SHLD1: variants seen among roughly 807,000 people sequenced by gnomAD.
SHLD1 encodes RINN1-REV7-interacting novel NHEJ regulator 3.
SHLD1 carries 3 observed loss-of-function variants against 5.5 expected under a neutral mutation model. The observed-to-expected ratio is 0.54, with a 90% CI of 0.25 to 1.40. The LOEUF (loss-of-function observed/expected upper bound fraction) is 1.40, where lower values mean the gene tolerates loss of function less well. Among genes scored for constraint, SHLD1 ranks in the 40% most tolerant of loss-of-function variants. SHLD1 has a pLI of 0.15. For synonymous variants in SHLD1, 92 were observed against 94.3 expected, an observed-to-expected ratio of 0.98 and a Z score of 0.14; for missense variants, 210 against 244.4, an observed-to-expected ratio of 0.86 and a Z score of 0.94.
intron 2 of SHLD1, among the ~76,000 whole-genome samples, chr20:5,791,036 A>G (rs1238984785): frequency 6.6e-6 from 1 of 151,894 alleles, no homozygotes; most frequent in Non-Finnish European, 1.5e-5. Context: ...GGTGGCACGC[A>G]CTTTTAGTCC....
chr20:5,844,787 A>ATTTTT (rs1428765852), intron 2 of SHLD1, among the ~76,000 whole-genome samples: 3 of 102,256 alleles, frequency 2.9e-5, no homozygotes, highest in East Asian at 3.5e-4. Context: ...ATATATATAT[A>ATTTTT]TATATATATA....
At position 5,806,108 on chromosome 20, in the gene SHLD1, T is replaced by A. The variant is rs796535271; in HGVS notation, c.178+33065T>A. ...TAGAACTCCTGGGTTCAAGTGATTC[T>A]CCTGCGTCAGCCTCCCAAAATGTTG... On this transcript the variant is annotated intron_variant, in intron 2 of 2. Transcript: ENST00000303142. The surrounding 1 kb of genome is among the most constrained non-coding windows in gnomAD (Gnocchi z 7.6). Among the ~76,000 whole-genome samples the A allele has an allele frequency of 1.5e-4, 23 of 152,348 alleles. No homozygotes were observed. Among genetic ancestry groups the A allele is most frequent in the African/African-American group, 5.5e-4 (23 of 41,600 alleles).
chr20:5,824,155 G>A lies in SHLD1; in HGVS notation c.179-38869G>A, dbSNP rs1287068. ...CTGCTTCTCCCACCTCTTCCCAGCC[G>A]CACTGGCCTTCTTTCTGGTCTTCAC... is the stretch of plus-strand genomic sequence containing the variant. On this transcript the variant is annotated intron_variant, in intron 2 of 2. Transcript: ENST00000303142. 3.4e-3 allele frequency among the ~76,000 whole-genome samples: 520 copies of A among 152,196 alleles called. 3 individuals are homozygous for A. The highest frequency in any genetic ancestry group is 0.014 in the Middle Eastern group (4 of 294).
intron 2 of SHLD1, among the ~76,000 whole-genome samples, chr20:5,827,854 G>GT (rs1382474853): frequency 6.6e-6 from 1 of 151,666 alleles, no homozygotes; most frequent in Non-Finnish European, 1.5e-5. Flanking sequence ...GGTCTTGCCA[G>GT]TTATTTGTGG....
intron 1 of SHLD1, among the ~76,000 whole-genome samples, chr20:5,763,077 C>T (rs1321714708): frequency 6.6e-6 from 1 of 151,740 alleles, no homozygotes; most frequent in African/African-American, 2.4e-5. Flanking sequence ...GAGGCCGAGG[C>T]AGGCGGATCA....
intron 2 of SHLD1, among the ~76,000 whole-genome samples, chr20:5,783,855 C>T (rs74329456): frequency 0.016 from 2,388 of 151,998 alleles, 71 homozygotes; most frequent in African/African-American, 0.055. Flanking sequence ...AGGAGGAGTT[C>T]GAAAACCACT....
intron 2 of SHLD1, among the ~76,000 whole-genome samples, chr20:5,791,741 GACAAA>G (rs987229762): frequency 1.3e-5 from 2 of 151,916 alleles, no homozygotes; most frequent in Non-Finnish European, 2.9e-5. Context: ...TCCCATACCT[GACAAA>G]GAACTAGTTT....
At chr20:5,758,446 T>G in intron 1 of SHLD1, among the ~76,000 whole-genome samples, 1 of 149,500 alleles carries the variant, frequency 6.7e-6, no homozygotes, top group Admixed American at 6.7e-5. Flanking sequence ...TTAGATGGAG[T>G]CTCGCTCTGT....
intron 2 of SHLD1, among the ~76,000 whole-genome samples, chr20:5,788,223 G>C (rs1387596137): frequency 6.6e-6 from 1 of 151,922 alleles, no homozygotes; most frequent in Non-Finnish European, 1.5e-5. Context: ...TACAATTGAG[G>C]GGCAAATTTA....
intron 2 of SHLD1, among the ~76,000 whole-genome samples, chr20:5,827,903 G>A (rs926047562): frequency 6.6e-6 from 1 of 152,184 alleles, no homozygotes; most frequent in Non-Finnish European, 1.5e-5. Flanking sequence ...ACTCTTGTGG[G>A]TAGAAACTAC....
intron 2 of SHLD1, among the ~76,000 whole-genome samples, chr20:5,775,863 A>T (rs1371962044): frequency 6.7e-6 from 1 of 149,732 alleles, no homozygotes; most frequent in Non-Finnish European, 1.5e-5. Flanking sequence ...CTCTCAGGAG[A>T]TCCAATTCCT....
intron 2 of SHLD1, among the ~76,000 whole-genome samples, chr20:5,856,574 T>C (rs894114159): frequency 1.3e-5 from 2 of 152,150 alleles, no homozygotes; most frequent in African/African-American, 4.8e-5. Flanking sequence ...AAAATGATAG[T>C]ATCACACATG....
intron 2 of SHLD1, among the ~76,000 whole-genome samples, chr20:5,826,291 A>G (rs2087664395): frequency 6.6e-6 from 1 of 152,188 alleles, no homozygotes; most frequent in South Asian, 2.1e-4. Flanking sequence ...TCCTTTTCCC[A>G]TATTGAAATA....
intron 1 of SHLD1, chr20:5,771,863 CTTTT>C (rs34145480): frequency 1.6e-4 from 13 of 79,400 alleles, no homozygotes; most frequent in South Asian, 5.8e-4. Context: ...GAACTTTTAC[CTTTT>C]TTTTTTTTTT....
At chr20:5,758,083 G>A (rs927344203) in intron 1 of SHLD1, among the ~76,000 whole-genome samples, 5 of 151,758 alleles carry the variant, frequency 3.3e-5, no homozygotes, top group South Asian at 2.1e-4. Flanking sequence ...ATTGAGAAGC[G>A]TTTCCTCCTC....
chr20:5,753,087 C>G (rs1018730465), intron 1 of SHLD1, among the ~76,000 whole-genome samples: 7 of 152,160 alleles, frequency 4.6e-5, no homozygotes, highest in African/African-American at 1.7e-4. Context: ...GCATGAGCCA[C>G]CGCACCTGGC....
intron 2 of SHLD1, among the ~76,000 whole-genome samples, chr20:5,792,976 C>T (rs1431029806): frequency 2.0e-5 from 3 of 152,172 alleles, no homozygotes; most frequent in Admixed American, 6.5e-5. Context: ...CGCCTGGCCT[C>T]GACTTTGTTC....
chr20:5,800,219 AC>A (rs2087272226), intron 2 of SHLD1, among the ~76,000 whole-genome samples: 1 of 152,234 alleles, frequency 6.6e-6, no homozygotes, highest in Non-Finnish European at 1.5e-5. Context: ...TGCCTGAGCT[AC>A]AGCAAAGATT....
chr20:5,761,554 G>A (rs1876885206), intron 1 of SHLD1, among the ~76,000 whole-genome samples: 1 of 151,736 alleles, frequency 6.6e-6, no homozygotes, highest in Admixed American at 6.6e-5. Flanking sequence ...TTACTTATCA[G>A]AGCTAGCCAT....
Sources: allele counts gnomAD v4.1 joint callset (sites outside exome capture counted in the v4.1 genomes callset), GRCh38; gene constraint gnomAD v4.1.1; non-coding constraint Gnocchi (gnomAD v3.1); transcripts MANE v1.5; gene names NCBI Gene and HGNC (gene_info 2026-07-23, HGNC 2026-07-21).